PCDHAC2: variants seen among roughly 807,000 people sequenced by gnomAD.
The protein encoded by PCDHAC2 is protocadherin alpha subfamily C, 2, also known as protocadherin alpha-C2.
Under a neutral mutation model 63.3 loss-of-function variants are expected in PCDHAC2, and 24 were observed. That is an observed-to-expected ratio of 0.38 (90% CI 0.27 to 0.53). The LOEUF (loss-of-function observed/expected upper bound fraction) is 0.53, where lower values mean the gene tolerates loss of function less well. PCDHAC2 is among the 20% of genes least tolerant of loss of function. The pLI, the probability that PCDHAC2 is intolerant of heterozygous loss-of-function variation, is 0.81. For missense variants in PCDHAC2, 1,181 were observed against 1,275.2 expected (o/e 0.93, Z 1.12); for synonymous variants, 569 against 529.4 (o/e 1.07, Z -1.03).
chr5:140,975,840 A>G (rs1387222678), intron 1 of PCDHAC2, among the ~76,000 whole-genome samples: 2 of 152,202 alleles, frequency 1.3e-5, no homozygotes, highest in African/African-American at 2.4e-5. Context: ...CTTATTCTTC[A>G]GTAATACTAC....
chr5:140,967,972 G>C lies in PCDHAC2; in HGVS notation c.1206G>C (p.Leu402=). ...CAGGCCCCAACCGGAAAGTGAGCCT[G>C]GGTCTGGAGGCCACACTGCCTTTCC... ...QDSGPNRKVS[L]GLEATLPFRL... Residue 402 remains leucine, a synonymous_variant, in exon 1 of 4, where the codon CTG becomes CTC. Transcript: ENST00000289269. The C allele has an allele frequency of 1.2e-6, 2 of 1,614,190 alleles. No homozygotes were observed. The highest frequency in any genetic ancestry group is 1.7e-6 in the Non-Finnish European group (2 of 1,180,032).
intron 3 of PCDHAC2, among the ~76,000 whole-genome samples, chr5:140,992,399 A>G (rs1276372325): frequency 1.3e-5 from 2 of 152,138 alleles, no homozygotes; most frequent in Admixed American, 6.6e-5. Context: ...ACTTAGAGAT[A>G]TTGTTCTGCC....
intron 3 of PCDHAC2, among the ~76,000 whole-genome samples, chr5:141,003,377 T>C (rs2098121331): frequency 6.6e-6 from 1 of 152,180 alleles, no homozygotes; most frequent in African/African-American, 2.4e-5. Context: ...AGTGGTGCAA[T>C]CTCAGCTCAC....
rs1459602291 is a variant in PCDHAC2 at position 140,968,997 on chromosome 5, G to A, written c.2231G>A (p.Gly744Asp). 6.2e-7 allele frequency: 1 copy of A among 1,614,092 alleles called. No individual in the cohort carries two copies. Among genetic ancestry groups the A allele is most frequent in the African/African-American group, 1.3e-5 (1 of 74,942 alleles). The change falls in exon 1 of 4, where the codon GGC becomes GAC. Residue 744 changes from glycine (G) to aspartate (D), a missense_variant. Gly to Asp is a moderately conservative substitution (Grantham distance 94). Around this residue, in one of 3 missense-constraint regions of PCDHAC2, gnomAD observed 968 missense variants for 1,073.5 expected, o/e 0.90. Transcript: ENST00000289269. Reference protein sequence around the residue: ...YTAYGTACCGGFCGVRERSPA... With the variant: ...YTAYGTACCGDFCGVRERSPA... ...GCGTATGGCACTGCATGCTGTGGAG[G>A]CTTCTGTGGAGTAAGGGAAAGGTCC...
chr5:140,969,023 C>T lies in PCDHAC2; in HGVS notation c.2257C>T (p.Pro753Ser). ...GGFCGVRERS[P>S]AELYKQANNN... ...CTTCTGTGGAGTAAGGGAAAGGTCC[C>T]CTGCAGAACTGTACAAACAAGCCAA... is the stretch of plus-strand genomic sequence containing the variant. Residue 753 changes from proline to serine, a missense_variant, in exon 1 of 4, where the codon CCT becomes TCT. Coordinates refer to ENST00000289269, the MANE Select transcript of PCDHAC2 (RefSeq NM_018899.6). The T allele has an allele frequency of 3.1e-6, 5 of 1,614,124 alleles. No homozygotes were observed. In the Admixed American group the frequency reaches 5.0e-5, roughly 16 times the overall value.
At position 141,010,458 on chromosome 5, in the gene PCDHAC2, T is replaced by C. The variant is rs2098417373; in HGVS notation, c.*521T>C. The C allele has an allele frequency of 1.1e-6, 1 of 871,194 alleles. No individual in the cohort carries two copies. The highest frequency in any genetic ancestry group is 1.7e-6 in the Non-Finnish European group (1 of 592,130). 54.0% of individuals were successfully genotyped at this position (871,194 alleles called of 1,614,324 possible). On this transcript the variant is annotated 3_prime_UTR_variant, in exon 4 of 4. Coordinates refer to ENST00000289269, the MANE Select transcript of PCDHAC2 (RefSeq NM_018899.6). ...AAAGACAAATAAACAGCGGAAGTTA[T>C]CAGTATGGAGGGGAAGTGTAAACTT...
chr5:140,971,050 C>G (rs2096454255), intron 1 of PCDHAC2, among the ~76,000 whole-genome samples: 1 of 152,146 alleles, frequency 6.6e-6, no homozygotes, highest in South Asian at 2.1e-4. Context: ...AAGGGTTTAG[C>G]TTTAAATAAG....
chr5:140,982,354 A>G, intron 2 of PCDHAC2, 121 bp from the exon 3 acceptor site: 2 of 1,512,522 alleles, frequency 1.3e-6, no homozygotes, highest in East Asian at 2.4e-5. Flanking sequence ...CAGTTCAAGC[A>G]TGAGCAGAAT....
At chr5:140,997,688 G>C (rs1232415745) in intron 3 of PCDHAC2, among the ~76,000 whole-genome samples, 1 of 151,990 alleles carries the variant, frequency 6.6e-6, no homozygotes, top group Non-Finnish European at 1.5e-5. Context: ...GTGTGTGTGT[G>C]TGTGTGTGTA....
chr5:140,973,329 G>A (rs1303671094), intron 1 of PCDHAC2, among the ~76,000 whole-genome samples: 6 of 152,112 alleles, frequency 3.9e-5, no homozygotes, highest in Non-Finnish European at 7.3e-5. Flanking sequence ...GTTTACACTC[G>A]TTGTAAAGTG....
At chr5:140,977,096 G>A (rs1401413424) in intron 1 of PCDHAC2, among the ~76,000 whole-genome samples, 1 of 152,182 alleles carries the variant, frequency 6.6e-6, no homozygotes, top group East Asian at 1.9e-4. Flanking sequence ...TGTGTCATTG[G>A]GGAAGTGAGA....
chr5:141,001,488 ATGCTAGCCCAGGT>A (rs1261759985), intron 3 of PCDHAC2, among the ~76,000 whole-genome samples: 3 of 152,210 alleles, frequency 2.0e-5, no homozygotes, highest in Non-Finnish European at 4.4e-5. Flanking sequence ...AGTGCTGGAA[ATGCTAGCCCAGGT>A]GGGCTTAGCT....
intron 3 of PCDHAC2, among the ~76,000 whole-genome samples, chr5:140,990,715 A>G (rs927680875): frequency 1.3e-5 from 2 of 152,194 alleles, no homozygotes; most frequent in Non-Finnish European, 2.9e-5. Context: ...GGATAAGAGC[A>G]TCACTAGGTA....
At chr5:140,988,672 G>A (rs1269904309) in intron 3 of PCDHAC2, among the ~76,000 whole-genome samples, 1 of 152,180 alleles carries the variant, frequency 6.6e-6, no homozygotes, top group Non-Finnish European at 1.5e-5. Context: ...TAGACTCTAA[G>A]ATAATTCTTT....
intron 3 of PCDHAC2, among the ~76,000 whole-genome samples, chr5:141,003,751 T>G (rs3822342): frequency 0.05 from 7,683 of 152,316 alleles, 243 homozygotes; most frequent in South Asian, 0.11. Flanking sequence ...ATATTTTGTA[T>G]AATTATGGTC....
intron 3 of PCDHAC2, among the ~76,000 whole-genome samples, chr5:141,005,701 CAA>C (rs59860837): frequency 3.2e-3 from 25 of 7,784 alleles, no homozygotes; most frequent in African/African-American, 6.6e-3. Flanking sequence ...AACTCCGTCT[CAA>C]AAAAAAAAAA....
chr5:141,008,837 C>G (rs1460664317), intron 3 of PCDHAC2, among the ~76,000 whole-genome samples: 1 of 152,178 alleles, frequency 6.6e-6, no homozygotes, highest in Non-Finnish European at 1.5e-5. Flanking sequence ...CATCCTCTTA[C>G]GCTGTGTATT....
intron 1 of PCDHAC2, among the ~76,000 whole-genome samples, chr5:140,969,746 T>C (rs1353204080): frequency 6.6e-6 from 1 of 152,224 alleles, no homozygotes; most frequent in African/African-American, 2.4e-5. Context: ...ATGAGTGATG[T>C]TTCTTAAAAA....
At chr5:140,971,643 T>C (rs2096490301) in intron 1 of PCDHAC2, among the ~76,000 whole-genome samples, 2 of 152,134 alleles carry the variant, frequency 1.3e-5, no homozygotes, top group African/African-American at 4.8e-5. Flanking sequence ...TGTGCCTACA[T>C]TAAAAGTAGA....
Sources: gnomAD v4.1 joint callset for allele counts (sites outside exome capture counted in the v4.1 genomes callset) on GRCh38, gnomAD v4.1.1 for gene constraint, gnomAD v4.1.1 regional missense constraint, MANE v1.5 for transcripts, NCBI Gene and HGNC (gene_info 2026-07-23, HGNC 2026-07-21) for gene names.